The following KIAA0513 variants were observed in gnomAD, a reference collection of about 807,000 sequenced individuals.
The protein encoded by KIAA0513 is KIAA0513, also known as uncharacterized protein KIAA0513.
KIAA0513 carries 39 observed loss-of-function variants against 56.5 expected under a neutral mutation model. The ratio of observed to expected loss-of-function variants is 0.69; its 90% CI spans 0.53 to 0.90. KIAA0513 has a LOEUF of 0.90. KIAA0513 is among the 40% of genes least tolerant of loss of function. The pLI, the probability that KIAA0513 is intolerant of heterozygous loss-of-function variation, is 0.00. For synonymous variants in KIAA0513, 268 were observed against 215.6 expected, an observed-to-expected ratio of 1.24 and a Z score of -2.13; for missense variants, 591 against 535.2, an observed-to-expected ratio of 1.10 and a Z score of -1.03.
chr16:85,077,496 G>T lies in KIAA0513; in HGVS notation c.646G>T (p.Ala216Ser), dbSNP rs756568295. ...AGSIDSYLKS[A>S]NSWLAEKKDI... The stretch of plus-strand genomic sequence containing the variant: ...CAGCATCGACTCCTACCTGAAATCC[G>T]CAAACAGCTGGCTGGCCGAAAAGAA... The change falls in exon 6 of 13, where the codon GCA becomes TCA. Residue 216 changes from alanine (A) to serine (S), a missense_variant. Physicochemically the swap from Ala to Ser is moderately conservative, Grantham distance 99. Transcript: ENST00000683363. The T allele has an allele frequency of 6.2e-7, 1 of 1,614,160 alleles. No homozygotes were observed. The highest frequency in any genetic ancestry group is 1.3e-5 in the African/African-American group (1 of 75,064).
chr16:85,059,223 C>G (rs1268069466), intron 1 of KIAA0513, among the ~76,000 whole-genome samples: 1 of 147,820 alleles, frequency 6.8e-6, no homozygotes, highest in Non-Finnish European at 1.5e-5. Context: ...TAGAAGTGAA[C>G]TGCTTCAAGC....
rs80309018 is a variant in KIAA0513 at position 85,065,623 on chromosome 16, C to T, written c.-172-1277C>T. 3.1e-3 allele frequency among the ~76,000 whole-genome samples: 468 copies of T among 152,344 alleles called. 8 individuals are homozygous for T. The East Asian group carries it at 0.035, about 11-fold the overall frequency. On this transcript the variant is annotated intron_variant, in intron 1 of 12. Coordinates refer to ENST00000683363, the MANE Select transcript of KIAA0513 (RefSeq NM_001388359.1). The stretch of plus-strand genomic sequence containing the variant: ...TTAAGAGGCAGAAAAGGCCATTCTG[C>T]TATTGAATTGTCCTCTGAAGATGCG...
Position 85,054,656 on chromosome 16 carries a change from T to G in KIAA0513, c.-172-12244T>G, listed in dbSNP as rs368260957. ...TGTTAGCCAAGCTGGTCTCGAACTC[T>G]TGACCTCAAATGATCCACCCTCCTC... On this transcript the variant is annotated intron_variant, in intron 1 of 12. Coordinates refer to ENST00000683363, the MANE Select transcript of KIAA0513 (RefSeq NM_001388359.1). Among the ~76,000 whole-genome samples the G allele has an allele frequency of 3.3e-5, 5 of 152,086 alleles. No individual in the cohort carries two copies. In the East Asian group the frequency reaches 7.7e-4, roughly 24 times the overall value.
intron 1 of KIAA0513, among the ~76,000 whole-genome samples, chr16:85,050,950 A>G (rs1409004193): frequency 1.3e-5 from 2 of 152,116 alleles, no homozygotes; most frequent in African/African-American, 4.8e-5. Flanking sequence ...GAGCCCAGGT[A>G]TTTGAGACCA....
At chr16:85,059,061 C>G (rs191584114) in intron 1 of KIAA0513, among the ~76,000 whole-genome samples, 236 of 152,326 alleles carry the variant, frequency 1.5e-3, no homozygotes, top group Non-Finnish European at 2.4e-3. Flanking sequence ...TAGACACACA[C>G]ATCTAAAAGG....
intron 1 of KIAA0513, among the ~76,000 whole-genome samples, chr16:85,042,780 G>A (rs1015136258): frequency 3.9e-5 from 6 of 152,230 alleles, no homozygotes; most frequent in Admixed American, 1.3e-4. Flanking sequence ...GTGCACAGAG[G>A]CAGCAGCAGG....
At chr16:85,075,986 T>G in intron 5 of KIAA0513, 72 bp downstream of exon 5, 1 of 1,251,932 alleles carries the variant, frequency 8.0e-7, no homozygotes. Context: ...CAGAGGAAGC[T>G]TTCTTCATGA....
At chr16:85,055,519 A>G (rs1442699489) in intron 1 of KIAA0513, among the ~76,000 whole-genome samples, 2 of 152,346 alleles carry the variant, frequency 1.3e-5, no homozygotes, top group South Asian at 2.1e-4. Context: ...AGGACAGGAC[A>G]ATCTCCCTGA....
At chr16:85,069,505 G>A (rs769424430) in intron 2 of KIAA0513, among the ~76,000 whole-genome samples, 4 of 152,040 alleles carry the variant, frequency 2.6e-5, no homozygotes, top group Admixed American at 6.5e-5. Context: ...GGGCTGTGAC[G>A]TCCACTGAGA....
intron 1 of KIAA0513, among the ~76,000 whole-genome samples, chr16:85,044,695 C>A (rs905640759): frequency 1.3e-5 from 2 of 151,622 alleles, no homozygotes; most frequent in Non-Finnish European, 2.9e-5. Flanking sequence ...TTAGTAGAGA[C>A]GGGGGTTTCA....
chr16:85,055,216 C>A (rs996057293), intron 1 of KIAA0513, among the ~76,000 whole-genome samples: 2 of 152,036 alleles, frequency 1.3e-5, no homozygotes, highest in African/African-American at 4.8e-5. Flanking sequence ...GAGCCACCGC[C>A]CCCAGCCTCT....
At chr16:85,054,499 C>T (rs1042388344) in intron 1 of KIAA0513, among the ~76,000 whole-genome samples, 1 of 147,332 alleles carries the variant, frequency 6.8e-6, no homozygotes, top group Non-Finnish European at 1.5e-5. Flanking sequence ...GGCCACATCT[C>T]GGCTCACTGC....
Position 85,066,919 on chromosome 16 carries a change from G to A in KIAA0513, c.-153G>A. ...TTCTAGATGCCGTAGGGCCAGGTGA[G>A]CTGCTGTGAAGGACTCATTCTTGGT... On this transcript the variant is annotated 5_prime_UTR_variant, in exon 2 of 13. Transcript: ENST00000683363. The A allele has an allele frequency of 5.2e-6, 3 of 573,588 alleles. No individual in the cohort carries two copies. The East Asian group carries it at 9.1e-5, about 17-fold the overall frequency. The allele number at this position is 573,588 out of a possible 1,614,324, so 35.5% of individuals were successfully genotyped here.
chr16:85,056,298 C>A (rs912180081), intron 1 of KIAA0513, among the ~76,000 whole-genome samples: 3 of 152,256 alleles, frequency 2.0e-5, no homozygotes, highest in Non-Finnish European at 4.4e-5. Flanking sequence ...AAAAGCCCGC[C>A]TTTCCGAGGC....
rs769003744 is a variant in KIAA0513 at position 85,076,114 on chromosome 16, C to T, written c.574+200C>T. Among the ~76,000 whole-genome samples the T allele has an allele frequency of 9.9e-5, 15 of 150,778 alleles. No homozygotes were observed. Among genetic ancestry groups the T allele is most frequent in the Non-Finnish European group, 1.3e-4 (9 of 68,006 alleles). ...GGCAGGAGGTTGACTGCCCAGGGTA[C>T]GAAGGAAACTCTCCTGGGGCAGTAG... On this transcript the variant is annotated intron_variant, in intron 5 of 12. Coordinates refer to ENST00000683363, the MANE Select transcript of KIAA0513 (RefSeq NM_001388359.1). This position sits in a 1 kb window ranked among gnomAD's most constrained non-coding sequence, Gnocchi z 4.7.
At position 85,077,577 on chromosome 16, in the gene KIAA0513, G is replaced by T. The variant is rs545008986; in HGVS notation, c.727G>T (p.Gly243Cys). 9 of 1,614,080 alleles carry T rather than the reference G, an allele frequency of 5.6e-6. No individual in the cohort carries two copies. The East Asian group carries it at 1.1e-4, about 20-fold the overall frequency. ...NTSARTENVK[G>C]FFGGLETKLK... is the part of the protein sequence containing the mutation. The stretch of plus-strand genomic sequence containing the variant: ...CTCGGCCAGGACTGAGAATGTCAAG[G>T]GCTTCTTCGGGGGGCTGGAGACCAA... Residue 243 changes from glycine to cysteine, a missense_variant, in exon 6 of 13, where the codon GGC becomes TGC. Transcript: ENST00000683363.
At chr16:85,036,544 G>C (rs991176262) in intron 1 of KIAA0513, among the ~76,000 whole-genome samples, 2 of 152,164 alleles carry the variant, frequency 1.3e-5, no homozygotes, top group African/African-American at 4.8e-5. Context: ...CTGGGAAAGA[G>C]TGCCGGTGCC....
chr16:85,072,902 T>A, intron 3 of KIAA0513, 23 bp from the exon 4 acceptor site: 1 of 1,612,838 alleles, frequency 6.2e-7, no homozygotes. Context: ...ACCTCAATGA[T>A]GTGTCTGCCT....
chr16:85,036,983 A>G (rs999439892), intron 1 of KIAA0513, among the ~76,000 whole-genome samples: 4 of 152,080 alleles, frequency 2.6e-5, no homozygotes, highest in African/African-American at 7.2e-5. Context: ...TCCTGCCTCT[A>G]AATATCAGAA....
Sources: allele counts gnomAD v4.1 joint callset (sites outside exome capture counted in the v4.1 genomes callset), GRCh38; gene constraint gnomAD v4.1.1; non-coding constraint Gnocchi (gnomAD v3.1); transcripts MANE v1.5; gene names NCBI Gene and HGNC (gene_info 2026-07-23, HGNC 2026-07-21).